The following FBXO27 variants were observed in gnomAD, a reference collection of about 807,000 sequenced individuals.
FBXO27 encodes F-box protein 27, also known as F-box only protein 27.
Under a neutral mutation model 28.3 loss-of-function variants are expected in FBXO27, and 28 were observed. The ratio of observed to expected loss-of-function variants is 0.99; its 90% CI spans 0.73 to 1.36. The LOEUF (loss-of-function observed/expected upper bound fraction) is 1.36. Ranked by LOEUF, FBXO27 falls within the 40% of genes most tolerant of loss-of-function variation. The probability of loss-of-function intolerance (pLI) is 0.00; values close to 1 mark genes in which losing one functional copy is unlikely to be tolerated. For synonymous variants in FBXO27, 175 were observed against 167.3 expected (o/e 1.05, Z -0.36); for missense variants, 388 against 394.1 (o/e 0.98, Z 0.13).
At chr19:39,008,799 C>T (rs1351478844) in intron 2 of FBXO27, among the ~76,000 whole-genome samples, 3 of 152,146 alleles carry the variant, frequency 2.0e-5, no homozygotes, top group African/African-American at 7.2e-5. Flanking sequence ...CATATTGCAG[C>T]ATATATCAGT....
chr19:39,032,011 G>A lies in FBXO27; in HGVS notation c.217C>T (p.Arg73Cys). The change falls in exon 2 of 6, where the codon CGC becomes TGC. Residue 73 changes from arginine to cysteine, a missense_variant. Transcript: ENST00000292853. This position sits in a 1 kb window ranked among gnomAD's most constrained non-coding sequence, Gnocchi z 4.7. ...GQALWLLILARDHGATGRALL... is the reference protein window; with the variant it reads ...GQALWLLILACDHGATGRALL... The stretch of plus-strand genomic sequence containing the variant: ...GCGCGGCCGGTGGCGCCGTGGTCGC[G>A]GGCCAGGATCAGCAGCCACAGGGCC... The A allele has an allele frequency of 6.6e-7, 1 of 1,519,180 alleles. No homozygotes were observed. The highest frequency in any genetic ancestry group is 2.2e-5 in the Admixed American group (1 of 44,874). 94.1% of individuals were successfully genotyped at this position (1,519,180 alleles called of 1,614,324 possible). A position where few individuals can be genotyped will look rare whatever the true frequency, so the allele number is the denominator to read the frequency against.
chr19:39,024,133 A>T lies in FBXO27; in HGVS notation c.*1278T>A, dbSNP rs977263039. 3 of 152,220 alleles carry T rather than the reference A, an allele frequency of 2.0e-5. No individual in the cohort carries two copies. Among genetic ancestry groups the T allele is most frequent in the African/African-American group, 7.2e-5 (3 of 41,472 alleles). 9.4% of individuals were successfully genotyped at this position (152,220 alleles called of 1,614,324 possible). A position where few individuals can be genotyped will look rare whatever the true frequency, so the allele number is the denominator to read the frequency against. Reference sequence around the variant, plus strand: ...TAAAAATAATGTTATTTTAATTTTAAATACCACACAATTACAGGTCCTTGA... The same window carrying T: ...TAAAAATAATGTTATTTTAATTTTATATACCACACAATTACAGGTCCTTGA... On this transcript the variant is annotated 3_prime_UTR_variant, in exon 6 of 6. Transcript: ENST00000292853.
intron 5 of FBXO27, 127 bp from the exon 6 acceptor site, chr19:39,025,681 C>T: frequency 4.1e-6 from 5 of 1,223,924 alleles, no homozygotes; most frequent in Non-Finnish European, 5.6e-6. Context: ...GCCACATGTT[C>T]TTCTAGAATC....
At chr19:39,026,806 G>C (rs556115562) in intron 5 of FBXO27, 64 bp downstream of exon 5, 31 of 1,604,666 alleles carry the variant, frequency 1.9e-5, no homozygotes, top group Non-Finnish European at 2.6e-5. Context: ...TAAGTTTTGG[G>C]GTGATTTATT....
intron 2 of FBXO27, among the ~76,000 whole-genome samples, chr19:39,007,702 G>A (rs10411224): frequency 0.069 from 10,429 of 152,096 alleles, 1,214 homozygotes; most frequent in African/African-American, 0.24. Context: ...GAGTGCAATG[G>A]CGCGATCTCA....
chr19:39,022,608 G>A (rs1364917865), downstream of FBXO27, among the ~76,000 whole-genome samples: 1 of 151,814 alleles, frequency 6.6e-6, no homozygotes, highest in Non-Finnish European at 1.5e-5. Flanking sequence ...CTCCATGCCT[G>A]GCTAATTTTT....
At chr19:39,011,274 T>G (rs2072792654) in intron 2 of FBXO27, among the ~76,000 whole-genome samples, 1 of 152,076 alleles carries the variant, frequency 6.6e-6, no homozygotes, top group African/African-American at 2.4e-5. Flanking sequence ...CTACTAAAAA[T>G]ACAAAACATT....
chr19:39,011,371 G>A (rs2072793097), intron 2 of FBXO27, among the ~76,000 whole-genome samples: 1 of 152,216 alleles, frequency 6.6e-6, no homozygotes, highest in South Asian at 2.1e-4. Context: ...GGCGGAGGTT[G>A]CAGTGAGCTG....
chr19:39,026,962 C>A lies in FBXO27; in HGVS notation c.616G>T (p.Val206Phe). 1.2e-6 allele frequency: 2 copies of A among 1,614,184 alleles called. No homozygotes were observed. Among genetic ancestry groups the A allele is most frequent in the South Asian group, 1.1e-5 (1 of 91,078 alleles). Residue 206 changes from valine (V) to phenylalanine (F), a missense_variant, in exon 5 of 6, where the codon GTC (valine) becomes TTC (phenylalanine). Val to Phe is a conservative substitution (Grantham distance 50). Coordinates refer to ENST00000292853, the MANE Select transcript of FBXO27 (RefSeq NM_178820.5). ...GTCTGGTTGGCGTCTAGAAGTTGGA[C>A]GAGGAGTCTGTACATACAGCCGCTG... is the stretch of plus-strand genomic sequence containing the variant. ...HDSGCMYRLLVQLLDANQTVL... is the reference protein window; with the variant it reads ...HDSGCMYRLLFQLLDANQTVL...
At chr19:39,006,035 C>G (rs1975732412) in intron 2 of FBXO27, among the ~76,000 whole-genome samples, 3 of 152,158 alleles carry the variant, frequency 2.0e-5, no homozygotes, top group Admixed American at 2.0e-4. Context: ...ACAGAAAAGT[C>G]TCTTTGGTGA....
Position 39,024,826 on chromosome 19 carries a change from A to G in FBXO27, c.*585T>C, listed in dbSNP as rs1294976863. On this transcript the variant is annotated 3_prime_UTR_variant, in exon 6 of 6. Coordinates refer to ENST00000292853, the MANE Select transcript of FBXO27 (RefSeq NM_178820.5). ...GGCATGAGCCACTGTGCCTGGCCCA[A>G]ACTTTTTTTTTTTAACGTAGACTTT... The G allele has an allele frequency of 6.6e-6, 1 of 152,606 alleles. No homozygotes were observed. The highest frequency in any genetic ancestry group is 1.5e-5 in the Non-Finnish European group (1 of 68,610). 9.5% of individuals were successfully genotyped at this position (152,606 alleles called of 1,614,324 possible).
intron 1 of FBXO27, among the ~76,000 whole-genome samples, chr19:39,014,756 A>AACAC (rs1226076234): frequency 2.6e-5 from 4 of 151,330 alleles, no homozygotes; most frequent in Non-Finnish European, 5.9e-5. Flanking sequence ...CAAACAAACA[A>AACAC]AAATGCATAC....
chr19:39,026,893 A>T lies in FBXO27; in HGVS notation c.685T>A (p.Trp229Arg). 6.2e-7 allele frequency: 1 copy of T among 1,614,154 alleles called. No homozygotes were observed. The highest frequency in any genetic ancestry group is 8.5e-7 in the Non-Finnish European group (1 of 1,180,034). Reference sequence around the variant, plus strand: ...ACGTGAAGGCAGGCATTGTTGTTCCACTGCGGGATGGGATCAGGCACAGCA... The same window carrying T: ...ACGTGAAGGCAGGCATTGTTGTTCCTCTGCGGGATGGGATCAGGCACAGCA... ...FSAVPDPIPQ[W>R]NNNACLHVTH... The change falls in exon 5 of 6, where the codon TGG becomes AGG. Residue 229 changes from tryptophan to arginine, a missense_variant. Coordinates refer to ENST00000292853, the MANE Select transcript of FBXO27 (RefSeq NM_178820.5).
intron 2 of FBXO27, 156 bp from the exon 3 acceptor site, chr19:39,031,476 A>C (rs1395466006): frequency 1.7e-6 from 1 of 592,048 alleles, no homozygotes; most frequent in Non-Finnish European, 2.8e-6. Context: ...CCACCAGCTC[A>C]GGGCAAAGCC....
chr19:39,018,704 C>T (rs996119854), intron 1 of FBXO27, among the ~76,000 whole-genome samples: 9 of 152,138 alleles, frequency 5.9e-5, no homozygotes, highest in South Asian at 2.1e-4. Flanking sequence ...ATGAAATTCC[C>T]GAAGTGGTCA....
At chr19:39,010,568 C>T (rs2072789848) in intron 2 of FBXO27, among the ~76,000 whole-genome samples, 1 of 152,158 alleles carries the variant, frequency 6.6e-6, no homozygotes, top group Non-Finnish European at 1.5e-5. Context: ...GTGGAATGAG[C>T]TTTCCGTAAG....
rs1178229448 is a variant in FBXO27 at position 39,032,031 on chromosome 19, A to G, written c.197T>C (p.Leu66Pro). The change falls in exon 2 of 6, where the codon CTG becomes CCG. Residue 66 changes from leucine (L) to proline (P), a missense_variant. By Grantham distance (98) the Leu-to-Pro change is moderately conservative. Coordinates refer to ENST00000292853, the MANE Select transcript of FBXO27 (RefSeq NM_178820.5). The surrounding 1 kb of genome is among the most constrained non-coding windows in gnomAD (Gnocchi z 4.7). ...GWRALVDGQA[L>P]WLLILARDHG... The stretch of plus-strand genomic sequence containing the variant: ...GTCGCGGGCCAGGATCAGCAGCCAC[A>G]GGGCCTGGCCGTCCACCAGGGCTCG... 6.5e-7 allele frequency: 1 copy of G among 1,527,394 alleles called. No homozygotes were observed. The highest frequency in any genetic ancestry group is 2.7e-5 in the East Asian group (1 of 37,502). 94.6% of individuals were successfully genotyped at this position (1,527,394 alleles called of 1,614,324 possible).
downstream of FBXO27, among the ~76,000 whole-genome samples, chr19:39,022,383 C>A (rs2072849940): frequency 6.6e-6 from 1 of 152,030 alleles, no homozygotes; most frequent in South Asian, 2.1e-4. Context: ...TCAAGCAATT[C>A]TCCTGCCTAG....
At position 39,031,930 on chromosome 19, in the gene FBXO27, G is replaced by A. The variant is rs140307492; in HGVS notation, c.298C>T (p.Pro100Ser). The A allele has an allele frequency of 1.1e-5, 16 of 1,513,740 alleles. No individual in the cohort carries two copies. The African/African-American group carries it at 2.0e-4, about 19-fold the overall frequency. The allele number at this position is 1,513,740 out of a possible 1,614,324, so 93.8% of individuals were successfully genotyped here. A position where few individuals can be genotyped will look rare whatever the true frequency, so the allele number is the denominator to read the frequency against. Residue 100 changes from proline to serine, a missense_variant, in exon 2 of 6, where the codon CCC (proline) becomes TCC (serine). Pro to Ser is a moderately conservative substitution (Grantham distance 74). Coordinates refer to ENST00000292853, the MANE Select transcript of FBXO27 (RefSeq NM_178820.5). ...CTGCGCGCGCAGAAGCGGCCCAGGG[G>A]GCAAGGCCTGGCGTTACGGGCGGGA... ...QSPARNARPCPLGRFCARRPI... is the reference protein window; with the variant it reads ...QSPARNARPCSLGRFCARRPI...
Sources: allele counts gnomAD v4.1 joint callset (sites outside exome capture counted in the v4.1 genomes callset), GRCh38; gene constraint gnomAD v4.1.1; non-coding constraint Gnocchi (gnomAD v3.1); transcripts MANE v1.5; gene names NCBI Gene and HGNC (gene_info 2026-07-23, HGNC 2026-07-21).